Variants in BEND7 observed in about 807,000 individuals in gnomAD.
BEND7 encodes the protein BEN domain-containing protein 7.
A neutral mutation model predicts 50.9 loss-of-function variants in BEND7; 28 were observed. The observed-to-expected ratio is 0.55, with a 90% CI of 0.41 to 0.75. The LOEUF (loss-of-function observed/expected upper bound fraction) is 0.75. Among genes scored for constraint, BEND7 ranks in the 30% least tolerant of loss-of-function variants. The probability of loss-of-function intolerance (pLI) is 0.00; values close to 1 mark genes in which losing one functional copy is unlikely to be tolerated. For synonymous variants in BEND7, 170 were observed against 183.9 expected, an observed-to-expected ratio of 0.92 and a Z score of 0.61; for missense variants, 477 against 491.3, an observed-to-expected ratio of 0.97 and a Z score of 0.28.
chr10:13,519,692 G>A (rs192269341), intron 2 of BEND7, among the ~76,000 whole-genome samples: 13 of 152,318 alleles, frequency 8.5e-5, no homozygotes, highest in African/African-American at 2.9e-4. Context: ...GTTAGAACTG[G>A]AGCCTGAGAT....
At chr10:13,459,233 C>T (rs1389366435) in intron 6 of BEND7, among the ~76,000 whole-genome samples, 1 of 152,224 alleles carries the variant, frequency 6.6e-6, no homozygotes, top group African/African-American at 2.4e-5. Context: ...GGGAGAGGAA[C>T]AGGGCAGGGG....
At chr10:13,459,375 T>C (rs770015672) in intron 6 of BEND7, 4 of 152,216 alleles carry the variant, frequency 2.6e-5, no homozygotes, top group Non-Finnish European at 5.9e-5. Context: ...GGCTCAAATT[T>C]TACCTAGATC....
chr10:13,527,886 T>C (rs576245261), intron 1 of BEND7: 1 of 971,390 alleles, frequency 1.0e-6, no homozygotes, highest in South Asian at 4.8e-5. Flanking sequence ...TTTCTTTCTT[T>C]TCTTTTTTCT....
chr10:13,525,884 C>G (rs1564428522), intron 2 of BEND7, among the ~76,000 whole-genome samples: 2 of 152,214 alleles, frequency 1.3e-5, no homozygotes, highest in Non-Finnish European at 2.9e-5. Context: ...ACTGCACAGT[C>G]AGCATCTGGC....
chr10:13,500,793 C>G (rs1269803116), intron 2 of BEND7: 5 of 985,242 alleles, frequency 5.1e-6, no homozygotes, highest in Middle Eastern at 5.2e-4. Context: ...TGGTGATGAC[C>G]GAGGGGTCCC....
chr10:13,459,277 A>G (rs1839711658), intron 6 of BEND7, among the ~76,000 whole-genome samples: 1 of 152,124 alleles, frequency 6.6e-6, no homozygotes, highest in Non-Finnish European at 1.5e-5. Flanking sequence ...AGGCCAGGTG[A>G]GTGTGCGGCA....
chr10:13,499,273 A>G (rs2132175188), intron 3 of BEND7, among the ~76,000 whole-genome samples: 1 of 152,326 alleles, frequency 6.6e-6, no homozygotes, highest in East Asian at 1.9e-4. Flanking sequence ...GTTACAAAAT[A>G]TGGATCACTG....
intron 2 of BEND7, among the ~76,000 whole-genome samples, chr10:13,506,700 C>T (rs934306680): frequency 2.0e-5 from 3 of 152,082 alleles, no homozygotes; most frequent in Non-Finnish European, 2.9e-5. Context: ...AATGTTATCA[C>T]GGAAGGCTCT....
intron 7 of BEND7, among the ~76,000 whole-genome samples, chr10:13,448,552 CCT>C (rs1321396032): frequency 1.3e-5 from 2 of 152,128 alleles, no homozygotes; most frequent in African/African-American, 4.8e-5. Flanking sequence ...GTATGGCTCC[CCT>C]GTCTCCTTCA....
In BEND7 at chr10:13,528,455, GC is replaced by G; in HGVS notation, c.61+17del. ...GCGGCGCCCGCTGCCTGCCCCCGCC[GC>G]CCCGGCGGCCGCTTACCTCGGCTCA... On this transcript the variant is annotated intron_variant, in intron 1 of 8. Coordinates refer to ENST00000466271, the MANE Select transcript of BEND7 (RefSeq NM_001369863.1). 1 of 1,011,292 alleles carries G rather than the reference GC, an allele frequency of 9.9e-7. No individual in the cohort carries two copies. The highest frequency in any genetic ancestry group is 3.9e-5 in the South Asian group (1 of 25,406). The allele number at this position is 1,011,292 out of a possible 1,614,324, so 62.6% of individuals were successfully genotyped here. A position where few individuals can be genotyped will look rare whatever the true frequency, so the allele number is the denominator to read the frequency against.
At chr10:13,498,726 CTTT>C (rs1460203221) in intron 3 of BEND7, among the ~76,000 whole-genome samples, 2 of 152,136 alleles carry the variant, frequency 1.3e-5, no homozygotes, top group Non-Finnish European at 2.9e-5. Context: ...AGAGAACTGA[CTTT>C]TTATTTTTAT....
At chr10:13,453,799 C>A (rs1204127435) in intron 6 of BEND7, among the ~76,000 whole-genome samples, 1 of 152,184 alleles carries the variant, frequency 6.6e-6, no homozygotes, top group African/African-American at 2.4e-5. Flanking sequence ...TTGGCACATT[C>A]ACACATTACT....
chr10:13,524,576 A>G (rs2079306080), intron 2 of BEND7, among the ~76,000 whole-genome samples: 1 of 145,034 alleles, frequency 6.9e-6, no homozygotes, highest in African/African-American at 2.5e-5. Flanking sequence ...CCTGGGAGGC[A>G]GGGGTTGCAG....
At chr10:13,468,022 A>G (rs930369812) in intron 6 of BEND7, among the ~76,000 whole-genome samples, 1 of 152,182 alleles carries the variant, frequency 6.6e-6, no homozygotes, top group Non-Finnish European at 1.5e-5. Flanking sequence ...CAGCATGACC[A>G]TGTATCCCGA....
At chr10:13,469,197 A>T (rs1005262893) in intron 6 of BEND7, among the ~76,000 whole-genome samples, 5 of 152,192 alleles carry the variant, frequency 3.3e-5, no homozygotes, top group Non-Finnish European at 7.3e-5. Context: ...CGAGTATAAA[A>T]GGGTTTCTGA....
chr10:13,463,743 C>T (rs1026262924), intron 6 of BEND7, among the ~76,000 whole-genome samples: 5 of 152,174 alleles, frequency 3.3e-5, no homozygotes, highest in Non-Finnish European at 7.3e-5. Context: ...CCTGTCAAAT[C>T]TCAACTTCGG....
intron 6 of BEND7, among the ~76,000 whole-genome samples, chr10:13,463,476 T>A (rs2073922659): frequency 6.6e-6 from 1 of 152,234 alleles, no homozygotes; most frequent in South Asian, 2.1e-4. Flanking sequence ...GAGCTCAGAC[T>A]ATGGCAGAGA....
intron 8 of BEND7, chr10:13,446,856 C>G: frequency 4.0e-6 from 1 of 252,004 alleles, no homozygotes; most frequent in Non-Finnish European, 7.6e-6. Context: ...TGATTGACTG[C>G]TCAAGGCTCC....
chr10:13,487,243 C>G (rs1320718479), intron 5 of BEND7, among the ~76,000 whole-genome samples: 2 of 151,842 alleles, frequency 1.3e-5, no homozygotes, highest in Non-Finnish European at 2.9e-5. Context: ...TTTGCAGTTG[C>G]AAAAACCACG....
Sources: gnomAD v4.1 joint callset for allele counts (sites outside exome capture counted in the v4.1 genomes callset) on GRCh38, gnomAD v4.1.1 for gene constraint, MANE v1.5 for transcripts, NCBI Gene and HGNC (gene_info 2026-07-23, HGNC 2026-07-21) for gene names.